MSI2: variants seen among roughly 807,000 people sequenced by gnomAD.
MSI2 encodes RNA-binding protein Musashi homolog 2.
A neutral mutation model predicts 45.6 loss-of-function variants in MSI2; 17 were observed. That is an observed-to-expected ratio of 0.37 (90% CI 0.26 to 0.56). The LOEUF (loss-of-function observed/expected upper bound fraction) is 0.56, where lower values mean the gene tolerates loss of function less well. MSI2 is among the 20% of genes least tolerant of loss of function. The probability of loss-of-function intolerance (pLI) is 0.77; values close to 1 mark genes in which losing one functional copy is unlikely to be tolerated. For missense variants in MSI2, 293 were observed against 444.2 expected, an observed-to-expected ratio of 0.66 and a Z score of 3.06; for synonymous variants, 156 against 158.2, an observed-to-expected ratio of 0.99 and a Z score of 0.11.
intron 7 of MSI2, among the ~76,000 whole-genome samples, chr17:57,530,779 G>C (rs1249141116): frequency 6.6e-6 from 1 of 152,196 alleles, no homozygotes; most frequent in Non-Finnish European, 1.5e-5. Flanking sequence ...AGAAGGCAGA[G>C]TGAGTGAAAG....
intron 6 of MSI2, among the ~76,000 whole-genome samples, chr17:57,495,139 A>G (rs2085950555): frequency 6.6e-6 from 1 of 152,142 alleles, no homozygotes; most frequent in South Asian, 2.1e-4. Context: ...TTCAGAAAGA[A>G]AGGGAGGCCC....
At chr17:57,471,839 A>G (rs1294075086) in intron 6 of MSI2, among the ~76,000 whole-genome samples, 2 of 152,116 alleles carry the variant, frequency 1.3e-5, no homozygotes, top group Admixed American at 1.3e-4. Context: ...CCAGAGCATC[A>G]GCTTTCTGGA....
intron 5 of MSI2, among the ~76,000 whole-genome samples, chr17:57,348,437 G>A (rs1915781209): frequency 6.6e-6 from 1 of 152,150 alleles, no homozygotes; most frequent in Non-Finnish European, 1.5e-5. Context: ...TGGAGGTAGG[G>A]CCTAGTGGGA....
At chr17:57,628,117 T>C (rs1278494217) in intron 10 of MSI2, 2 of 152,312 alleles carry the variant, frequency 1.3e-5, no homozygotes, top group Non-Finnish European at 2.9e-5. Context: ...GGGGTCTCCA[T>C]GTGCAAAGGA....
intron 5 of MSI2, among the ~76,000 whole-genome samples, chr17:57,346,203 A>G (rs1357216648): frequency 6.6e-6 from 1 of 152,240 alleles, no homozygotes; most frequent in Non-Finnish European, 1.5e-5. Context: ...CATCATTACT[A>G]TAAATGAGAA....
chr17:57,468,150 C>T (rs977935777), intron 6 of MSI2, among the ~76,000 whole-genome samples: 8 of 151,744 alleles, frequency 5.3e-5, no homozygotes, highest in South Asian at 2.1e-4. Flanking sequence ...CCTTAGTTCC[C>T]GCATCTGTAA....
chr17:57,480,753 G>A (rs1352024455), intron 6 of MSI2, among the ~76,000 whole-genome samples: 2 of 152,204 alleles, frequency 1.3e-5, no homozygotes, highest in African/African-American at 2.4e-5. Context: ...TCCTAGCGTT[G>A]AAGCCATGAT....
chr17:57,426,447 C>T (rs1047864333), intron 6 of MSI2, among the ~76,000 whole-genome samples: 2 of 152,204 alleles, frequency 1.3e-5, no homozygotes, highest in African/African-American at 2.4e-5. Context: ...GCACATGGGG[C>T]AGTGCCCTAC....
chr17:57,281,751 A>G (rs1479450664), intron 5 of MSI2, among the ~76,000 whole-genome samples: 3 of 152,162 alleles, frequency 2.0e-5, no homozygotes, highest in Non-Finnish European at 2.9e-5. Context: ...TGCCTCAGTG[A>G]GGCCTTTTGT....
At chr17:57,469,247 G>A (rs1393856157) in intron 6 of MSI2, among the ~76,000 whole-genome samples, 1 of 152,204 alleles carries the variant, frequency 6.6e-6, no homozygotes, top group African/African-American at 2.4e-5. Flanking sequence ...CCTTAAGAAA[G>A]GAGGTGCGAA....
At chr17:57,500,128 T>C (rs1258301693) in intron 6 of MSI2, among the ~76,000 whole-genome samples, 1 of 152,138 alleles carries the variant, frequency 6.6e-6, no homozygotes, top group Non-Finnish European at 1.5e-5. Flanking sequence ...GTCTGCCACA[T>C]GTGGTCACTC....
chr17:57,512,834 G>A (rs1316841606), intron 6 of MSI2, among the ~76,000 whole-genome samples: 3 of 152,100 alleles, frequency 2.0e-5, no homozygotes, highest in Admixed American at 6.5e-5. Context: ...CATCCTAACT[G>A]TAGAAAGAGG....
At chr17:57,439,774 C>G (rs1449746982) in intron 6 of MSI2, among the ~76,000 whole-genome samples, 1 of 152,124 alleles carries the variant, frequency 6.6e-6, no homozygotes, top group Admixed American at 6.5e-5. Context: ...GTAGAAGGCT[C>G]AGACTTTGGA....
chr17:57,695,585 A>G, the MSI2 span, among the ~76,000 whole-genome samples: 4 of 152,022 alleles, frequency 2.6e-5, no homozygotes, highest in Non-Finnish European at 5.9e-5. Context: ...TCTCTTCTGG[A>G]TCAGTCAGGG....
In MSI2 at chr17:57,652,047, T is replaced by A; in HGVS notation, c.728-52T>A. ...GTGGCCCGTGACCTAGGTCTGTGCCTGGCCCTTTCAAGGATTCCTCCATGA... is the reference window on the plus strand; with the variant it reads ...GTGGCCCGTGACCTAGGTCTGTGCCAGGCCCTTTCAAGGATTCCTCCATGA... On this transcript the variant is annotated intron_variant, in intron 10 of 13. Transcript: ENST00000284073. This position sits in a 1 kb window ranked among gnomAD's most constrained non-coding sequence, Gnocchi z 4.1. 1 of 1,570,384 alleles carries A rather than the reference T, an allele frequency of 6.4e-7. No homozygotes were observed. The highest frequency in any genetic ancestry group is 8.8e-7 in the Non-Finnish European group (1 of 1,140,414).
chr17:57,660,567 T>G (rs1201338848), intron 11 of MSI2, among the ~76,000 whole-genome samples: 1 of 152,122 alleles, frequency 6.6e-6, no homozygotes. Context: ...AACTAATGGG[T>G]AATTACAATA....
At chr17:57,330,669 C>T (rs1320223730) in intron 5 of MSI2, among the ~76,000 whole-genome samples, 1 of 152,118 alleles carries the variant, frequency 6.6e-6, no homozygotes, top group Non-Finnish European at 1.5e-5. Context: ...CATCCATAGA[C>T]CCTTGGCCAT....
intron 5 of MSI2, chr17:57,262,482 T>G: frequency 2.9e-6 from 1 of 350,456 alleles, no homozygotes; most frequent in South Asian, 8.0e-5. Flanking sequence ...ATTTGTTTTT[T>G]AAGCATTTCC....
chr17:57,332,267 A>AT, intron 5 of MSI2, among the ~76,000 whole-genome samples: 1 of 152,174 alleles, frequency 6.6e-6, no homozygotes, highest in African/African-American at 2.4e-5. Context: ...CATCTGGCTA[A>AT]TTTTTGTATT....
Sources: allele counts gnomAD v4.1 joint callset (sites outside exome capture counted in the v4.1 genomes callset), GRCh38; gene constraint gnomAD v4.1.1; non-coding constraint Gnocchi (gnomAD v3.1); transcripts MANE v1.5; gene names NCBI Gene and HGNC (gene_info 2026-07-23, HGNC 2026-07-21).